NAF1: variants seen among roughly 807,000 people sequenced by gnomAD.
NAF1 encodes the protein H/ACA ribonucleoprotein complex non-core subunit NAF1.
A neutral mutation model predicts 40.6 loss-of-function variants in NAF1; 11 were observed. That is an observed-to-expected ratio of 0.27 (90% confidence interval 0.17 to 0.45). The LOEUF (loss-of-function observed/expected upper bound fraction) is 0.45, where lower values mean the gene tolerates loss of function less well. NAF1 is among the 20% of genes least tolerant of loss of function. The pLI, the probability that NAF1 is intolerant of heterozygous loss-of-function variation, is 1.00. For synonymous variants in NAF1, 260 were observed against 228.5 expected, an observed-to-expected ratio of 1.14 and a Z score of -1.24; for missense variants, 607 against 611.1, an observed-to-expected ratio of 0.99 and a Z score of 0.07.
chr4:163,131,259 A>C (rs1043653080), intron 7 of NAF1, among the ~76,000 whole-genome samples: 1 of 152,166 alleles, frequency 6.6e-6, no homozygotes, highest in African/African-American at 2.4e-5. Flanking sequence ...GAATTTCATT[A>C]AACTTAACAA....
chr4:163,117,622 C>A (rs1730379538), intron 2 of NAF1: 1 of 146,172 alleles, frequency 6.8e-6, no homozygotes, highest in Admixed American at 6.8e-5. Context: ...AAAGGGAAAG[C>A]AAATGTCTCC....
intron 6 of NAF1, among the ~76,000 whole-genome samples, chr4:163,133,868 C>T (rs540425567): frequency 6.6e-6 from 1 of 152,184 alleles, no homozygotes; most frequent in African/African-American, 2.4e-5. Context: ...ACCTCTGCCT[C>T]CCAAGTTCAA....
intron 2 of NAF1, among the ~76,000 whole-genome samples, chr4:163,152,924 G>A (rs1003722391): frequency 2.6e-5 from 4 of 152,182 alleles, no homozygotes; most frequent in Non-Finnish European, 4.4e-5. Context: ...TGGGCTTGGA[G>A]GGCCCCGCAC....
At chr4:163,129,849 A>G (rs1261756448) in intron 7 of NAF1, among the ~76,000 whole-genome samples, 6 of 152,172 alleles carry the variant, frequency 3.9e-5, no homozygotes, top group Non-Finnish European at 8.8e-5. Flanking sequence ...AAGATGGAGT[A>G]GAGTTAGGAT....
chr4:163,166,795 G>A lies in NAF1; in HGVS notation c.-68C>T, dbSNP rs1189606568. 5 of 1,578,590 alleles carry A rather than the reference G, an allele frequency of 3.2e-6. No individual in the cohort carries two copies. In the African/African-American group the frequency reaches 5.5e-5, roughly 17 times the overall value. On this transcript the variant is annotated 5_prime_UTR_variant, in exon 1 of 8. Coordinates refer to ENST00000274054, the MANE Select transcript of NAF1 (RefSeq NM_138386.3). ...CTGGACAAGCTCACGGCTCTCTCCAGAAATAGAAAAACAACTTAGGCAACC... is the reference window on the plus strand; with the variant it reads ...CTGGACAAGCTCACGGCTCTCTCCAAAAATAGAAAAACAACTTAGGCAACC...
intron 2 of NAF1, among the ~76,000 whole-genome samples, chr4:163,120,600 CG>C (rs1245123144): frequency 1.3e-5 from 2 of 152,140 alleles, no homozygotes; most frequent in Non-Finnish European, 2.9e-5. Flanking sequence ...CTAAAATATG[CG>C]TAACAATTAG....
At chr4:163,145,167 A>G (rs1477793155) in intron 4 of NAF1, among the ~76,000 whole-genome samples, 1 of 152,214 alleles carries the variant, frequency 6.6e-6, no homozygotes, top group Non-Finnish European at 1.5e-5. Context: ...TGCTGAGTAA[A>G]GTGCACAGTT....
At chr4:163,129,765 G>A (rs947645861) in intron 7 of NAF1, among the ~76,000 whole-genome samples, 6 of 152,104 alleles carry the variant, frequency 3.9e-5, no homozygotes, top group African/African-American at 1.4e-4. Context: ...ACATCACATG[G>A]GGAACCTGAA....
At chr4:163,140,410 T>C in intron 4 of NAF1, 27 bp from the exon 5 acceptor site, 1 of 1,560,436 alleles carries the variant, frequency 6.4e-7, no homozygotes, top group Non-Finnish European at 8.7e-7. Context: ...AAGGCCTCTT[T>C]TAACATGTAA....
At chr4:163,133,875 T>C (rs982666387) in intron 6 of NAF1, among the ~76,000 whole-genome samples, 17 of 152,116 alleles carry the variant, frequency 1.1e-4, no homozygotes, top group African/African-American at 3.6e-4. Context: ...CCTCCCAAGT[T>C]CAAGCGATTC....
chr4:163,146,002 CA>C (rs1731451483), intron 3 of NAF1, 138 bp from the exon 4 acceptor site: 1 of 515,682 alleles, frequency 1.9e-6, no homozygotes, highest in East Asian at 3.4e-5. Context: ...ATTTTCTCTT[CA>C]GTAAACAAAG....
downstream of NAF1, chr4:163,127,087 G>C (rs1194339424): frequency 1.3e-6 from 2 of 1,551,396 alleles, no homozygotes; most frequent in Non-Finnish European, 1.7e-6. Context: ...TGGATCCGAG[G>C]CCACAATATC....
At chr4:163,151,360 C>T (rs1731695610) in intron 2 of NAF1, among the ~76,000 whole-genome samples, 1 of 150,842 alleles carries the variant, frequency 6.6e-6, no homozygotes. Flanking sequence ...TTCTTTATTT[C>T]TCTAGTTTTT....
At chr4:163,134,870 T>G (rs1231984947) in intron 6 of NAF1, among the ~76,000 whole-genome samples, 1 of 152,228 alleles carries the variant, frequency 6.6e-6, no homozygotes, top group African/African-American at 2.4e-5. Context: ...TGTGCCATTT[T>G]AAATAATTGA....
intron 2 of NAF1, among the ~76,000 whole-genome samples, chr4:163,113,546 G>A (rs1010035366): frequency 6.6e-6 from 1 of 152,068 alleles, no homozygotes; most frequent in African/African-American, 2.4e-5. Flanking sequence ...GCCGCCCACA[G>A]GATCAGACTT....
chr4:163,117,073 T>C (rs2110821315), intron 2 of NAF1, among the ~76,000 whole-genome samples: 1 of 152,346 alleles, frequency 6.6e-6, no homozygotes, highest in South Asian at 2.1e-4. Flanking sequence ...GTCATACCTA[T>C]CTACCTGCTG....
intron 2 of NAF1, among the ~76,000 whole-genome samples, chr4:163,153,316 G>T (rs1731814016): frequency 1.3e-5 from 2 of 152,254 alleles, no homozygotes; most frequent in South Asian, 4.1e-4. Context: ...CTGGGCTCCT[G>T]AGTCTGGTGG....
downstream of NAF1, among the ~76,000 whole-genome samples, chr4:163,106,339 A>G (rs1730049249): frequency 6.6e-6 from 1 of 152,212 alleles, no homozygotes; most frequent in Non-Finnish European, 1.5e-5. Context: ...CACTAGCCCC[A>G]AGTGACTATA....
intron 2 of NAF1, among the ~76,000 whole-genome samples, chr4:163,163,554 G>C (rs1264286651): frequency 6.6e-6 from 1 of 152,004 alleles, no homozygotes; most frequent in African/African-American, 2.4e-5. Flanking sequence ...CTTTCCTCTT[G>C]GGTCATAGGT....
Sources: gnomAD v4.1 joint callset for allele counts (sites outside exome capture counted in the v4.1 genomes callset) on GRCh38, gnomAD v4.1.1 for gene constraint, MANE v1.5 for transcripts, NCBI Gene and HGNC (gene_info 2026-07-23, HGNC 2026-07-21) for gene names.